Variants in NBN observed in about 807,000 individuals in gnomAD.
NBN encodes the protein Nijmegen breakage syndrome 1 (nibrin).
NBN carries 88 observed loss-of-function variants against 90.8 expected under a neutral mutation model. The observed-to-expected ratio is 0.97, with a 90% CI of 0.82 to 1.16. NBN has a LOEUF of 1.16. Among genes scored for constraint, NBN ranks in the 50% most tolerant of loss-of-function variants. The pLI is 0.00. For missense variants in NBN, 894 were observed against 869.6 expected, an observed-to-expected ratio of 1.03 and a Z score of -0.35; for synonymous variants, 328 against 295.1, an observed-to-expected ratio of 1.11 and a Z score of -1.14.
intron 14 of NBN, among the ~76,000 whole-genome samples, chr8:89,937,624 A>G (rs1281342068): frequency 6.6e-6 from 1 of 152,170 alleles, no homozygotes; most frequent in Non-Finnish European, 1.5e-5. Flanking sequence ...GCATCTTCCT[A>G]AAGTCTAGCT....
Position 89,935,236 on chromosome 8 carries a change from T to C in NBN, c.*346A>G, listed in dbSNP as rs1017217583. 3.5e-6 allele frequency: 1 copy of C among 286,820 alleles called. No homozygotes were observed. Among genetic ancestry groups the C allele is most frequent in the South Asian group, 6.8e-5 (1 of 14,726 alleles). 17.8% of individuals were successfully genotyped at this position (286,820 alleles called of 1,614,324 possible). A position where few individuals can be genotyped will look rare whatever the true frequency, so the allele number is the denominator to read the frequency against. On this transcript the variant is annotated 3_prime_UTR_variant, in exon 16 of 16. Transcript: ENST00000265433. ...AAAGATTCATAAGAAATGAGTATCATGAATTTTTTTCTGAGGGGAACCAAG... is the reference window on the plus strand; with the variant it reads ...AAAGATTCATAAGAAATGAGTATCACGAATTTTTTTCTGAGGGGAACCAAG...
intron 7 of NBN, among the ~76,000 whole-genome samples, chr8:89,967,263 T>C (rs568494329): frequency 6.6e-6 from 1 of 152,296 alleles, no homozygotes; most frequent in Admixed American, 6.5e-5. Context: ...TGCAATGGAA[T>C]AGTGTCCTAT....
intron 9 of NBN, among the ~76,000 whole-genome samples, chr8:89,958,071 T>C (rs943691276): frequency 6.6e-6 from 1 of 152,188 alleles, no homozygotes; most frequent in Non-Finnish European, 1.5e-5. Flanking sequence ...TAGATTATCA[T>C]AAGAACCTAG....
chr8:89,965,523 C>G (rs566129003), intron 7 of NBN, among the ~76,000 whole-genome samples: 60 of 149,936 alleles, frequency 4.0e-4, no homozygotes, highest in Admixed American at 1.6e-3. Flanking sequence ...GAGACTTGCT[C>G]TTTCACCCAG....
In NBN at chr8:89,935,469, T is replaced by C. The variant is rs1809626251; in HGVS notation, c.*113A>G. 9 of 1,257,494 alleles carry C rather than the reference T, an allele frequency of 7.2e-6. No homozygotes were observed. In the South Asian group the frequency reaches 1.2e-4, roughly 16 times the overall value. The allele number at this position is 1,257,494 out of a possible 1,614,324, so 77.9% of individuals were successfully genotyped here. A position where few individuals can be genotyped will look rare whatever the true frequency, so the allele number is the denominator to read the frequency against. On this transcript the variant is annotated 3_prime_UTR_variant, in exon 16 of 16. Transcript: ENST00000265433. ...CATTTTATTTAATAAATTTAGGCCA[T>C]AAAACATTGTAACTTAAATCGCTTC...
Position 89,933,841 on chromosome 8 carries a change from G to A in NBN, c.*1741C>T, listed in dbSNP as rs1407001577. ...ATATCTCAATACATATATCCGACAAGAGACTTGCATCTAGAATGTATAAAG... is the reference window on the plus strand; with the variant it reads ...ATATCTCAATACATATATCCGACAAAAGACTTGCATCTAGAATGTATAAAG... On this transcript the variant is annotated 3_prime_UTR_variant, in exon 16 of 16. Coordinates refer to ENST00000265433, the MANE Select transcript of NBN (RefSeq NM_002485.5). 2.6e-5 allele frequency: 6 copies of A among 232,320 alleles called. No homozygotes were observed. Among genetic ancestry groups the A allele is most frequent in the Non-Finnish European group, 5.1e-5 (6 of 117,634 alleles). The allele number at this position is 232,320 out of a possible 1,614,324, so 14.4% of individuals were successfully genotyped here.
chr8:89,967,517 G>C (rs1811311592), intron 7 of NBN, among the ~76,000 whole-genome samples: 1 of 152,156 alleles, frequency 6.6e-6, no homozygotes, highest in African/African-American at 2.4e-5. Context: ...ATAAATCAAT[G>C]ATGAGCATGT....
chr8:89,966,453 T>A, intron 7 of NBN, among the ~76,000 whole-genome samples: 1 of 152,180 alleles, frequency 6.6e-6, no homozygotes, highest in East Asian at 1.9e-4. Context: ...TCATTTATAA[T>A]AATATCAGAG....
At chr8:89,937,097 C>T (rs576297421) in intron 14 of NBN, 22 bp from the exon 15 acceptor site, 1 of 1,606,948 alleles carries the variant, frequency 6.2e-7, no homozygotes, top group South Asian at 1.1e-5. Flanking sequence ...AACATAATTT[C>T]AAACATTTGC....
intron 4 of NBN, among the ~76,000 whole-genome samples, chr8:89,979,525 T>G (rs539621017): frequency 2.3e-4 from 35 of 151,544 alleles, no homozygotes; most frequent in South Asian, 4.1e-4. Context: ...GAACGCTTTT[T>G]TTGTTGTTGT....
At position 89,984,649 on chromosome 8, in the gene NBN, T is replaced by A. The variant is rs1056321081; in HGVS notation, c.-88A>T. Reference sequence around the variant, plus strand: ...GCGGATACGGCGCCTGCGGTCGGCATGGGCTCCGGGACGTGCGCGCTCCCG... The same window carrying A: ...GCGGATACGGCGCCTGCGGTCGGCAAGGGCTCCGGGACGTGCGCGCTCCCG... On this transcript the variant is annotated 5_prime_UTR_variant, in exon 1 of 16. The change abolishes an upstream ATG in the 5' untranslated region. Coordinates refer to ENST00000265433, the MANE Select transcript of NBN (RefSeq NM_002485.5). The A allele has an allele frequency of 1.9e-6, 3 of 1,574,798 alleles. No individual in the cohort carries two copies. The highest frequency in any genetic ancestry group is 2.6e-6 in the Non-Finnish European group (3 of 1,159,500).
At chr8:89,979,939 C>A (rs1217577990) in intron 4 of NBN, among the ~76,000 whole-genome samples, 1 of 152,110 alleles carries the variant, frequency 6.6e-6, no homozygotes, top group Non-Finnish European at 1.5e-5. Context: ...GTGCTAGGGC[C>A]CACACTTAAA....
rs371136272 is a variant in NBN at position 89,935,517 on chromosome 8, C to T, written c.*65G>A. The T allele has an allele frequency of 1.9e-5, 31 of 1,594,708 alleles. No homozygotes were observed. In the African/African-American group the frequency reaches 2.5e-4, roughly 13 times the overall value. On this transcript the variant is annotated 3_prime_UTR_variant, in exon 16 of 16. Transcript: ENST00000265433. ...TTCTATACACTATATATTCATATAA[C>T]CTTGTTGGCCTGAAGTAGATGCTTA...
chr8:89,952,965 TATC>T (rs986932767), intron 11 of NBN, among the ~76,000 whole-genome samples: 1 of 152,204 alleles, frequency 6.6e-6, no homozygotes, highest in Non-Finnish European at 1.5e-5. Context: ...CTCCTACACT[TATC>T]ATCATAGCCA....
rs13312924 is a variant in NBN, at chr8:89,955,236, CT to C, written c.1397+46del. On this transcript the variant is annotated intron_variant, in intron 10 of 15. Transcript: ENST00000265433. The stretch of plus-strand genomic sequence containing the variant: ...TACCATTCTACAACAGTATAAAAAA[CT>C]TTCATTTTTTTTTCAGAGACATGAG... 0.038 allele frequency: 59,608 copies of C among 1,565,726 alleles called. 1,510 individuals are homozygous for C. The highest frequency in any genetic ancestry group is 0.092 in the South Asian group (8,277 of 89,866).
Position 89,971,183 on chromosome 8 carries a change from T to G in NBN, c.692A>C (p.Asn231Thr), listed in dbSNP as rs1309274168. The G allele has an allele frequency of 6.2e-7, 1 of 1,612,694 alleles. No homozygotes were observed. The highest frequency in any genetic ancestry group is 1.1e-5 in the South Asian group (1 of 91,050). ...TTATAACATAATTACCTGTTTGGCA[T>G]TCAAAAATATAAATGTTTTCCCTTT... ...IFKGKTFIFLNAKQHKKLSSA... is the reference protein window; with the variant it reads ...IFKGKTFIFLTAKQHKKLSSA... The change falls in exon 6 of 16, where the codon AAT becomes ACT. Residue 231 changes from asparagine (N) to threonine (T), a missense_variant. Coordinates refer to ENST00000265433, the MANE Select transcript of NBN (RefSeq NM_002485.5).
intron 7 of NBN, among the ~76,000 whole-genome samples, chr8:89,965,493 T>G (rs1485192794): frequency 1.3e-5 from 2 of 152,082 alleles, no homozygotes; most frequent in East Asian, 3.9e-4. Flanking sequence ...GTAAAGATTT[T>G]TTTTTTTTTT....
Position 89,978,257 on chromosome 8 carries a change from C to G in NBN, c.547G>C (p.Ala183Pro). Reference protein sequence around the residue: ...KPEYFTEFLKAVESKKQPPQI... With the variant: ...KPEYFTEFLKPVESKKQPPQI... ...GGAGGCTGCTTCTTGGACTCAACTG[C>G]TTTCAGGAATTCAGTAAAATATTCT... The change falls in exon 5 of 16, where the codon GCA (alanine) becomes CCA (proline). Residue 183 changes from alanine to proline, a missense_variant. Coordinates refer to ENST00000265433, the MANE Select transcript of NBN (RefSeq NM_002485.5). 1 of 1,605,544 alleles carries G rather than the reference C, an allele frequency of 6.2e-7. No homozygotes were observed. The highest frequency in any genetic ancestry group is 1.3e-5 in the African/African-American group (1 of 74,848).
chr8:89,945,792 T>C (rs1480917572), intron 13 of NBN, among the ~76,000 whole-genome samples: 12 of 152,166 alleles, frequency 7.9e-5, no homozygotes, highest in Admixed American at 7.9e-4. Flanking sequence ...CATTTTAATC[T>C]TCATAAAGTC....
Sources: gnomAD v4.1 joint callset for allele counts (sites outside exome capture counted in the v4.1 genomes callset) on GRCh38, gnomAD v4.1.1 for gene constraint, MANE v1.5 for transcripts, NCBI Gene and HGNC (gene_info 2026-07-23, HGNC 2026-07-21) for gene names.